The following MBOAT7 variants were observed in gnomAD, a reference collection of about 807,000 sequenced individuals.
The protein encoded by MBOAT7 is membrane bound acylglycerophosphatidylinositol O-acyltransferase MBOAT7.
A neutral mutation model predicts 47.4 loss-of-function variants in MBOAT7; 40 were observed. The observed-to-expected ratio is 0.84, with a 90% CI of 0.66 to 1.10. The LOEUF (loss-of-function observed/expected upper bound fraction) is 1.10, where lower values mean the gene tolerates loss of function less well. Ranked by LOEUF, MBOAT7 falls within the 50% of genes least tolerant of loss-of-function variation. The pLI, the probability that MBOAT7 is intolerant of heterozygous loss-of-function variation, is 0.00. For missense variants in MBOAT7, 680 were observed against 655.6 expected (o/e 1.04, Z -0.41); for synonymous variants, 361 against 292.0 (o/e 1.24, Z -2.41).
chr19:54,175,550 C>T (rs953344118), intron 7 of MBOAT7, among the ~76,000 whole-genome samples: 1 of 152,104 alleles, frequency 6.6e-6, no homozygotes, highest in African/African-American at 2.4e-5. Context: ...CCTCCAAGGC[C>T]CAGCACCATC....
In MBOAT7 at chr19:54,177,900, G is replaced by GT. The variant is rs761565984; in HGVS notation, c.1031+864dup. ...ATGCCTGGCTATGAGTTCTACTTCT[G>GT]TTTTTTTTTTTTTTTTTTTTTTTTT... On this transcript the variant is annotated intron_variant, in intron 7 of 7. Transcript: ENST00000245615. Among the ~76,000 whole-genome samples the GT allele has an allele frequency of 7.2e-3, 547 of 75,928 alleles. 112 individuals carry two copies. The highest frequency in any genetic ancestry group is 9.8e-3 in the African/African-American group (174 of 17,748). The allele number at this position is 75,928 out of a possible 152,430, so 49.8% of individuals were successfully genotyped here. A position where few individuals can be genotyped will look rare whatever the true frequency, so the allele number is the denominator to read the frequency against.
intron 6 of MBOAT7, chr19:54,179,659 A>G (rs1268928265): frequency 6.6e-6 from 1 of 152,076 alleles, no homozygotes; most frequent in East Asian, 1.9e-4. Flanking sequence ...AGATTTAGAA[A>G]AACCTTCAAT....
At chr19:54,179,211 G>T in intron 6 of MBOAT7, 1 of 560,310 alleles carries the variant, frequency 1.8e-6, no homozygotes, top group Non-Finnish European at 3.2e-6. Flanking sequence ...GCCATGAAAA[G>T]CCTTGAAGGG....
chr19:54,181,116 G>A lies in MBOAT7; in HGVS notation c.511C>T (p.Arg171Cys), dbSNP rs770923938. Reference protein sequence around the residue: ...GIMTGPFFRYRTYLDWLEQPF... With the variant: ...GIMTGPFFRYCTYLDWLEQPF... ...TGCTCCAGCCAGTCCAGGTAGGTGC[G>A]GTAGCGGAAGAACGGGCCTGTGGGG... Residue 171 changes from arginine to cysteine, a missense_variant, in exon 6 of 8, where the codon CGC becomes TGC. By Grantham distance (180) the Arg-to-Cys change is radical. Coordinates refer to ENST00000245615, the MANE Select transcript of MBOAT7 (RefSeq NM_024298.5). 1.3e-5 allele frequency: 20 copies of A among 1,484,670 alleles called. No homozygotes were observed. The highest frequency in any genetic ancestry group is 2.5e-5 in the Admixed American group (1 of 40,648). 92.0% of individuals were successfully genotyped at this position (1,484,670 alleles called of 1,614,324 possible).
chr19:54,187,969 C>G (rs1226713886), intron 3 of MBOAT7, among the ~76,000 whole-genome samples: 2 of 146,060 alleles, frequency 1.4e-5, no homozygotes, highest in African/African-American at 5.1e-5. Context: ...GAGCCAAGAT[C>G]GTGCCACTGA....
rs771402389 is a variant in MBOAT7, at chr19:54,183,685, G to A, written c.334-5C>T. On this transcript the variant is annotated splice_region_variant and splice_polypyrimidine_tract_variant and intron_variant, in intron 4 of 7. Coordinates refer to ENST00000245615, the MANE Select transcript of MBOAT7 (RefSeq NM_024298.5). ...TTCACTGGCCAGGCTCACCAGCTGG[G>A]CAGAAGGGGGTGGGCAAGGGGCCAG... 3.9e-6 allele frequency: 6 copies of A among 1,546,142 alleles called. No homozygotes were observed. The highest frequency in any genetic ancestry group is 5.2e-6 in the Non-Finnish European group (6 of 1,146,926).
Position 54,174,975 on chromosome 19 carries a change from G to GTT in MBOAT7, c.1032-546_1032-545dup, listed in dbSNP as rs34483717. On this transcript the variant is annotated intron_variant, in intron 7 of 7. Coordinates refer to ENST00000245615, the MANE Select transcript of MBOAT7 (RefSeq NM_024298.5). ...CAAGTCTTAATTCTTCAGCCCAGTG[G>GTT]TTTTTTTTTTTTTTTTTTGAGACAG... Among the ~76,000 whole-genome samples the GTT allele has an allele frequency of 8.0e-4, 102 of 127,872 alleles. 1 individual carries two copies. Among genetic ancestry groups the GTT allele is most frequent in the Non-Finnish European group, 9.7e-4 (59 of 61,056 alleles). The allele number at this position is 127,872 out of a possible 152,430, so 83.9% of individuals were successfully genotyped here. A position where few individuals can be genotyped will look rare whatever the true frequency, so the allele number is the denominator to read the frequency against.
chr19:54,179,147 A>G (rs1225118880), intron 6 of MBOAT7: 1 of 636,724 alleles, frequency 1.6e-6, no homozygotes, highest in Non-Finnish European at 2.7e-6. Context: ...TGGGTGGTAC[A>G]GTCCACTGAC....
At chr19:54,175,110 G>A (rs796121140) in intron 7 of MBOAT7, among the ~76,000 whole-genome samples, 1 of 151,818 alleles carries the variant, frequency 6.6e-6, no homozygotes, top group Non-Finnish European at 1.5e-5. Flanking sequence ...CGAGTAGCTG[G>A]GACTACAGGC....
chr19:54,174,063 T>C lies in MBOAT7; in HGVS notation c.1400A>G (p.Glu467Gly), dbSNP rs1458786542. The C allele has an allele frequency of 6.2e-7, 1 of 1,600,780 alleles. No homozygotes were observed. Among genetic ancestry groups the C allele is most frequent in the Non-Finnish European group, 8.5e-7 (1 of 1,174,996 alleles). Residue 467 changes from glutamate to glycine, a missense_variant, in exon 8 of 8, where the codon GAG becomes GGG. Transcript: ENST00000245615. The part of the protein sequence containing the change: ...AASQPTSLAP[E>G]KLREE ...GACAGCTTACTCCTCCCGGAGCTTC[T>C]CCGGGGCAAGGCTGGTGGGCTGGGA...
chr19:54,178,628 AAAACCAGGCTAAAC>A (rs1280616067), intron 7 of MBOAT7, 123 bp downstream of exon 7: 1 of 1,441,274 alleles, frequency 6.9e-7, no homozygotes, highest in African/African-American at 1.4e-5. Context: ...GAGGCAGGGC[AAAACCAGGCTAAAC>A]AAACTACAAT....
intron 3 of MBOAT7, among the ~76,000 whole-genome samples, 146 bp downstream of exon 3, chr19:54,188,055 AAGAAAGAAAGAAAGAC>A (rs1279904523): frequency 1.9e-4 from 10 of 53,570 alleles, no homozygotes; most frequent in South Asian, 1.7e-3. Context: ...GAAAGAAAGA[AAGAAAGAAAGAAAGAC>A]AAACAAACAA....
At chr19:54,178,740 C>G in intron 7 of MBOAT7, 25 bp downstream of exon 7, 4 of 1,610,472 alleles carry the variant, frequency 2.5e-6, no homozygotes, top group Non-Finnish European at 3.4e-6. Context: ...TGCAGTGTCA[C>G]CTGAGACTGG....
At chr19:54,178,034 C>T (rs1005227253) in intron 7 of MBOAT7, among the ~76,000 whole-genome samples, 5 of 151,212 alleles carry the variant, frequency 3.3e-5, no homozygotes, top group African/African-American at 1.2e-4. Context: ...CCTCAGCCTC[C>T]CGAGTAGCTG....
rs756713310 is a variant in MBOAT7, at chr19:54,187,311, T to A, written c.207-24A>T. On this transcript the variant is annotated intron_variant, in intron 3 of 7. Transcript: ENST00000245615. ...AGCTGGGCAAAAGCAGGAGGCGCAC[T>A]GTGTTGGGCACAGAAGTCTCGGCCT... 5 of 1,591,278 alleles carry A rather than the reference T, an allele frequency of 3.1e-6. No individual in the cohort carries two copies. The East Asian group carries it at 1.1e-4, about 36-fold the overall frequency.
rs1311363647 is a variant in MBOAT7 at position 54,183,515 on chromosome 19, A to G, written c.493+6T>C. The G allele has an allele frequency of 5.6e-6, 9 of 1,606,376 alleles. No homozygotes were observed. Among genetic ancestry groups the G allele is most frequent in the Non-Finnish European group, 1.7e-6 (2 of 1,176,718 alleles). On this transcript the variant is annotated splice_donor_region_variant and intron_variant, in intron 5 of 7. Transcript: ENST00000245615. Reference sequence around the variant, plus strand: ...GCGGCAGAGTTGTTAGGGCAGCCCCACTCACCTGTCATGATTCCCACGTAG... The same window carrying G: ...GCGGCAGAGTTGTTAGGGCAGCCCCGCTCACCTGTCATGATTCCCACGTAG...
Position 54,183,534 on chromosome 19 carries a change from C to G in MBOAT7, c.480G>C (p.Val160=). Residue 160 remains valine, a synonymous_variant, in exon 5 of 8, where the codon GTG becomes GTC. Transcript: ENST00000245615. ...METLSYSYCY[V]GIMTGPFFRY... is the part of the protein sequence containing the mutation. Reference sequence around the variant, plus strand: ...AGCCCCACTCACCTGTCATGATTCCCACGTAGCAGTAGCTGTAGCTGAGTG... The same window carrying G: ...AGCCCCACTCACCTGTCATGATTCCGACGTAGCAGTAGCTGTAGCTGAGTG... 6.2e-7 allele frequency: 1 copy of G among 1,608,112 alleles called. No homozygotes were observed.
At chr19:54,177,192 T>A (rs2076132194) in intron 7 of MBOAT7, among the ~76,000 whole-genome samples, 1 of 79,984 alleles carries the variant, frequency 1.3e-5, no homozygotes, top group Non-Finnish European at 2.7e-5. Flanking sequence ...AATAATAATA[T>A]CCTTCTTACT....
In MBOAT7 at chr19:54,173,856, G is replaced by A. The variant is rs2075985886; in HGVS notation, c.*188C>T. On this transcript the variant is annotated 3_prime_UTR_variant, in exon 8 of 8. Transcript: ENST00000245615. ...ATACTTTGATTTTGTAGGAGTGGAG[G>A]TGGCCTCTGGGCAGAGGGCAGGGAG... The A allele has an allele frequency of 3.3e-6, 2 of 599,952 alleles. No individual in the cohort carries two copies. Among genetic ancestry groups the A allele is most frequent in the Non-Finnish European group, 5.5e-6 (2 of 361,478 alleles). The allele number at this position is 599,952 out of a possible 1,614,324, so 37.2% of individuals were successfully genotyped here.
Sources: gnomAD v4.1 joint callset for allele counts (sites outside exome capture counted in the v4.1 genomes callset) on GRCh38, gnomAD v4.1.1 for gene constraint, MANE v1.5 for transcripts, NCBI Gene and HGNC (gene_info 2026-07-23, HGNC 2026-07-21) for gene names.